The following ELN variants were observed in gnomAD, a reference collection of about 807,000 sequenced individuals.
The protein encoded by ELN is elastin.
ELN carries 65 observed loss-of-function variants against 105.8 expected under a neutral mutation model. The ratio of observed to expected loss-of-function variants is 0.61; its 90% CI spans 0.50 to 0.75. ELN has a LOEUF of 0.75. ELN is among the 30% of genes least tolerant of loss of function. The probability of loss-of-function intolerance (pLI) is 0.00; values close to 1 mark genes in which losing one functional copy is unlikely to be tolerated. For missense variants in ELN, 882 were observed against 969.4 expected, an observed-to-expected ratio of 0.91 and a Z score of 1.20; for synonymous variants, 368 against 389.2, an observed-to-expected ratio of 0.95 and a Z score of 0.64.
At chr7:74,048,102 ATG>A in intron 13 of ELN, 38 bp from the exon 14 acceptor site, 16 of 1,613,304 alleles carry the variant, frequency 9.9e-6, no homozygotes, top group Non-Finnish European at 1.3e-5. Flanking sequence ...AGCAGTGGTG[ATG>A]TCTGCACAGA....
chr7:74,046,696 G>A lies in ELN; in HGVS notation c.572G>A (p.Gly191Glu). The A allele has an allele frequency of 6.2e-7, 1 of 1,614,196 alleles. No homozygotes were observed. The highest frequency in any genetic ancestry group is 8.5e-7 in the Non-Finnish European group (1 of 1,180,024). Residue 191 changes from glycine (G) to glutamate (E), a missense_variant and splice_region_variant, in exon 12 of 33, where the codon GGA becomes GAA. Gly to Glu is a moderately conservative substitution (Grantham distance 98). Transcript: ENST00000252034. Reference sequence around the variant, plus strand: ...GAACTTGCTCTCTTTATTCCCACAGGAGTTGGACCCTTTGGGGGACCGCAA... The same window carrying A: ...GAACTTGCTCTCTTTATTCCCACAGAAGTTGGACCCTTTGGGGGACCGCAA... ...GVGGAFAGIP[G>E]VGPFGGPQPG...
In ELN at chr7:74,068,593, C is replaced by T. The variant is rs41400848; in HGVS notation, c.2132-64C>T. On this transcript the variant is annotated intron_variant, in intron 32 of 32. Coordinates refer to ENST00000252034, the MANE Select transcript of ELN (RefSeq NM_000501.4). ...CTCCATTCGAGTGGGTCAGAGCAGG[C>T]GGGGATTAGAGCCGAAACTGAGAGG... is the stretch of plus-strand genomic sequence containing the variant. The T allele has an allele frequency of 1.4e-3, 2,279 of 1,599,620 alleles. 28 individuals are homozygous for T. In the African/African-American group the frequency reaches 0.026, roughly 18 times the overall value.
rs539160518 is a variant in ELN at position 74,068,652 on chromosome 7, T to C, written c.2132-5T>C. The stretch of plus-strand genomic sequence containing the variant: ...TCACAGTGATGTGCACCTCCTCCCG[T>C]CCAGGTGGGGCCTGCCTGGGGAAAG... On this transcript the variant is annotated splice_region_variant and splice_polypyrimidine_tract_variant and intron_variant, in intron 32 of 32. Coordinates refer to ENST00000252034, the MANE Select transcript of ELN (RefSeq NM_000501.4). The C allele has an allele frequency of 1.2e-6, 2 of 1,614,058 alleles. No individual in the cohort carries two copies. Among genetic ancestry groups the C allele is most frequent in the Non-Finnish European group, 1.7e-6 (2 of 1,180,008 alleles).
chr7:74,045,121 A>G (rs2131547522), intron 9 of ELN, 101 bp from the exon 10 acceptor site: 4 of 1,329,316 alleles, frequency 3.0e-6, no homozygotes, highest in Non-Finnish European at 4.3e-6. Flanking sequence ...ACTGACAGTC[A>G]GTCCCAAGGG....
intron 31 of ELN, among the ~76,000 whole-genome samples, chr7:74,066,242 A>G (rs1797928245): frequency 1.3e-5 from 2 of 152,172 alleles, no homozygotes; most frequent in African/African-American, 2.4e-5. Context: ...AGGTGGCGGC[A>G]TGTTGTGTTG....
intron 22 of ELN, among the ~76,000 whole-genome samples, chr7:74,058,821 C>G (rs1435478802): frequency 2.0e-5 from 3 of 152,210 alleles, no homozygotes; most frequent in African/African-American, 7.2e-5. Flanking sequence ...CCCTAGGGAC[C>G]TGTGGGCTGA....
rs782431386 is a variant in ELN at position 74,063,142 on chromosome 7, T to A, written c.1787-11T>A. The A allele has an allele frequency of 1.8e-5, 28 of 1,598,978 alleles. No homozygotes were observed. In the African/African-American group the frequency reaches 3.4e-4, roughly 19 times the overall value. On this transcript the variant is annotated splice_polypyrimidine_tract_variant and intron_variant, in intron 26 of 32. Transcript: ENST00000252034. This position sits in a 1 kb window ranked among gnomAD's most constrained non-coding sequence, Gnocchi z 4.1. ...GAAATGGAACACTCATTTTCCCTCC[T>A]CTCCCCGCAGGAGCAGCAGTGCCTG...
chr7:74,053,452 C>A, intron 18 of ELN, 143 bp downstream of exon 18: 1 of 1,484,812 alleles, frequency 6.7e-7, no homozygotes. Flanking sequence ...GTCTCATCCC[C>A]TCATCTTCTC....
rs781957802 is a variant in ELN at position 74,060,404 on chromosome 7, C to A, written c.1650C>A (p.Ile550=). 23 of 1,614,060 alleles carry A rather than the reference C, an allele frequency of 1.4e-5. No individual in the cohort carries two copies. The highest frequency in any genetic ancestry group is 1.9e-5 in the Non-Finnish European group (22 of 1,179,998). ...LRAAAGLGAG[I]PGLGVGVGVP... is the part of the protein sequence containing the mutation. ...CTGCAGCTGGGCTTGGTGCTGGCAT[C>A]CCTGGACTTGGAGTTGGTGTCGGCG... The change falls in exon 25 of 33, where the codon ATC becomes ATA. Residue 550 remains isoleucine (I), a synonymous_variant. Coordinates refer to ENST00000252034, the MANE Select transcript of ELN (RefSeq NM_000501.4).
Position 74,063,379 on chromosome 7 carries a change from G to C in ELN, c.1918+10G>C. The stretch of plus-strand genomic sequence containing the variant: ...AAAGCCGCCCAGTTTGGTGAGCACT[G>C]GGTGGAGGTGGGAGCTGCCGCCAGG... On this transcript the variant is annotated intron_variant, in intron 28 of 32. Transcript: ENST00000252034. This position sits in a 1 kb window ranked among gnomAD's most constrained non-coding sequence, Gnocchi z 4.1. The C allele has an allele frequency of 6.5e-7, 1 of 1,545,070 alleles. No homozygotes were observed.
At chr7:74,064,945 A>G (rs1554688035) in intron 29 of ELN, among the ~76,000 whole-genome samples, 15 of 151,950 alleles carry the variant, frequency 9.9e-5, no homozygotes, top group Non-Finnish European at 2.9e-5. Flanking sequence ...GAGCTTAACA[A>G]TTAAGACTTT....
chr7:74,058,330 T>A (rs1271054818), intron 22 of ELN, among the ~76,000 whole-genome samples: 1 of 151,406 alleles, frequency 6.6e-6, no homozygotes, highest in Non-Finnish European at 1.5e-5. Context: ...TTTCTTCTCC[T>A]CCTTTTCCTC....
chr7:74,063,225 G>A lies in ELN; in HGVS notation c.1858+1G>A, dbSNP rs1554686156. 1 of 1,607,238 alleles carries A rather than the reference G, an allele frequency of 6.2e-7. No individual in the cohort carries two copies. Among genetic ancestry groups the A allele is most frequent in the Non-Finnish European group, 8.5e-7 (1 of 1,178,038 alleles). ...GTAGGCATCCCAGGCGGTGTGGTGG[G>A]TGAGTTGAAACCCCAGGAGGGGCAG... On this transcript the variant is annotated splice_donor_variant, in intron 27 of 32. Transcript: ENST00000252034. LOFTEE classifies it high-confidence loss of function. The surrounding 1 kb of genome is among the most constrained non-coding windows in gnomAD (Gnocchi z 4.1).
At chr7:74,057,536 A>G (rs1795548629) in intron 21 of ELN, 104 bp from the exon 22 acceptor site, 9 of 1,603,028 alleles carry the variant, frequency 5.6e-6, no homozygotes, top group Non-Finnish European at 7.7e-6. Flanking sequence ...GAGTTGACCA[A>G]GGTCGACTGC....
chr7:74,042,386 C>T (rs534557207), intron 5 of ELN, among the ~76,000 whole-genome samples: 19 of 151,914 alleles, frequency 1.3e-4, no homozygotes, highest in Non-Finnish European at 1.8e-4. Context: ...CAAGATCGCA[C>T]CACTGCACTC....
chr7:74,037,827 T>C (rs2131271019), intron 4 of ELN, 88 bp downstream of exon 4: 2 of 1,554,436 alleles, frequency 1.3e-6, no homozygotes, highest in Non-Finnish European at 8.7e-7. Context: ...ACAAGGAAAC[T>C]AGGAACAGGA....
intron 13 of ELN, 103 bp downstream of exon 13, chr7:74,047,819 T>G: frequency 6.5e-7 from 1 of 1,538,092 alleles, no homozygotes; most frequent in Non-Finnish European, 9.0e-7. Flanking sequence ...AGCACCTCGC[T>G]GGGGCAGGGT....
At position 74,058,823 on chromosome 7, in the gene ELN, G is replaced by A. The variant is rs1161107189; in HGVS notation, c.1415-1063G>A. On this transcript the variant is annotated intron_variant, in intron 22 of 32. Coordinates refer to ENST00000252034, the MANE Select transcript of ELN (RefSeq NM_000501.4). ...CTGTAGGCCTTGGCCCTAGGGACCT[G>A]TGGGCTGAAAGGTTCAGATCAGAAT... Among the ~76,000 whole-genome samples the A allele has an allele frequency of 9.9e-5, 15 of 152,242 alleles. 1 individual carries two copies. Among genetic ancestry groups the A allele is most frequent in the Admixed American group, 2.6e-4 (4 of 15,282 alleles).
Position 74,028,260 on chromosome 7 carries a change from C to G in ELN, c.73C>G (p.Arg25Gly). 1.9e-6 allele frequency: 3 copies of G among 1,608,624 alleles called. No individual in the cohort carries two copies. Among genetic ancestry groups the G allele is most frequent in the Non-Finnish European group, 2.5e-6 (3 of 1,179,366 alleles). ...LLLLSILHPS[R>G]PGGVPGAIPG... ...CCTGCTGTCCATCCTCCACCCCTCT[C>G]GGCCTGGAGGTAAGGACCCCTCGCC... Residue 25 changes from arginine to glycine, a missense_variant, in exon 1 of 33, where the codon CGG (arginine) becomes GGG (glycine). Physicochemically the swap from Arg to Gly is moderately radical, Grantham distance 125 (BLOSUM62 -2). Coordinates refer to ENST00000252034, the MANE Select transcript of ELN (RefSeq NM_000501.4).
Sources: gnomAD v4.1 joint callset for allele counts (sites outside exome capture counted in the v4.1 genomes callset) on GRCh38, gnomAD v4.1.1 for gene constraint, Gnocchi (gnomAD v3.1) non-coding constraint, MANE v1.5 for transcripts, NCBI Gene and HGNC (gene_info 2026-07-23, HGNC 2026-07-21) for gene names.